The following SLC1A3 variants were observed in gnomAD, a reference collection of about 807,000 sequenced individuals.
The protein encoded by SLC1A3 is solute carrier family 1 member 3.
In SLC1A3, 21 loss-of-function variants were observed where a neutral mutation model predicts 48.1. That is an observed-to-expected ratio of 0.44 (90% CI 0.31 to 0.63). The LOEUF (loss-of-function observed/expected upper bound fraction) is 0.63, where lower values mean the gene tolerates loss of function less well. SLC1A3 is among the 20% of genes least tolerant of loss of function. The pLI, the probability that SLC1A3 is intolerant of heterozygous loss-of-function variation, is 0.08. For synonymous variants in SLC1A3, 239 were observed against 251.4 expected (o/e 0.95, Z 0.47); for missense variants, 546 against 689.0 (o/e 0.79, Z 2.32).
Position 36,676,906 on chromosome 5 carries a change from T to C in SLC1A3, c.582T>C (p.Tyr194=), listed in dbSNP as rs753706439. The C allele has an allele frequency of 2.5e-6, 4 of 1,613,240 alleles. No homozygotes were observed. The highest frequency in any genetic ancestry group is 3.4e-6 in the Non-Finnish European group (4 of 1,179,430). Residue 194 remains tyrosine (Y), a synonymous_variant, in exon 6 of 10, where the codon TAT becomes TAC. Transcript: ENST00000265113. ...TTATTTTTAAGTTTAAAACCAACTATGAGAAGAGAAGCTTTAAAGTGCCCA... is the reference window on the plus strand; with the variant it reads ...TTATTTTTAAGTTTAAAACCAACTACGAGAAGAGAAGCTTTAAAGTGCCCA... ...EACFKQFKTN[Y]EKRSFKVPIQ...
At chr5:36,620,357 C>T (rs1739612863) in intron 2 of SLC1A3, among the ~76,000 whole-genome samples, 1 of 152,186 alleles carries the variant, frequency 6.6e-6, no homozygotes, top group African/African-American at 2.4e-5. Flanking sequence ...GCTGTCATTC[C>T]TCATTTGTGA....
chr5:36,667,190 G>T (rs984168323), intron 3 of SLC1A3, among the ~76,000 whole-genome samples: 2 of 152,146 alleles, frequency 1.3e-5, no homozygotes, highest in African/African-American at 4.8e-5. Context: ...CATTAAACAT[G>T]CTCTGGGCTG....
intron 2 of SLC1A3, among the ~76,000 whole-genome samples, chr5:36,618,001 A>G (rs1739516334): frequency 1.3e-5 from 2 of 152,234 alleles, no homozygotes; most frequent in African/African-American, 4.8e-5. Flanking sequence ...GGATTTAAAA[A>G]AGAGTTAGCC....
intron 3 of SLC1A3, chr5:36,636,497 T>TTC (rs1561255286): frequency 2.3e-5 from 2 of 87,206 alleles, no homozygotes; most frequent in Admixed American, 1.1e-4. Flanking sequence ...CTTTCTTTCT[T>TTC]TCTTTCTTTT....
intron 2 of SLC1A3, among the ~76,000 whole-genome samples, chr5:36,620,728 A>C (rs1217309736): frequency 6.6e-6 from 1 of 152,206 alleles, no homozygotes. Context: ...AAAACCAAAA[A>C]AAGTTCTAAC....
intron 8 of SLC1A3, among the ~76,000 whole-genome samples, chr5:36,681,598 C>T (rs949529282): frequency 2.0e-5 from 3 of 152,188 alleles, no homozygotes; most frequent in Admixed American, 6.5e-5. Flanking sequence ...TACCTTCCCC[C>T]CATCTCTTAG....
intron 3 of SLC1A3, chr5:36,668,192 C>T (rs922928659): frequency 2.6e-5 from 4 of 152,256 alleles, no homozygotes; most frequent in Middle Eastern, 3.2e-3. Context: ...GACACTCTGA[C>T]ATCTCTGTTT....
At chr5:36,641,390 G>A (rs1411682420) in intron 3 of SLC1A3, among the ~76,000 whole-genome samples, 1 of 152,044 alleles carries the variant, frequency 6.6e-6, no homozygotes, top group Non-Finnish European at 1.5e-5. Flanking sequence ...GTTATTTCTA[G>A]TTGAGCTGTA....
At chr5:36,598,831 T>G (rs775540396) in intron 1 of SLC1A3, among the ~76,000 whole-genome samples, 16 of 152,252 alleles carry the variant, frequency 1.1e-4, no homozygotes, top group East Asian at 3.9e-4. Context: ...TTTTGCCTTG[T>G]TGCCCTGGCT....
At chr5:36,680,771 G>A (rs1212757172) in intron 8 of SLC1A3, among the ~76,000 whole-genome samples, 182 bp downstream of exon 8, 2 of 152,116 alleles carry the variant, frequency 1.3e-5, no homozygotes. Flanking sequence ...ACAAAAATTA[G>A]CCAGGCCTGG....
rs545440959 is a variant in SLC1A3 at position 36,635,173 on chromosome 5, G to GAAA, written c.319+5598_319+5600dup. ...TCAACACCTACCCGTACGTTGTATT[G>GAAA]AAAAAAAAAAAAAACAGTATCTAAC... On this transcript the variant is annotated intron_variant, in intron 3 of 9. Transcript: ENST00000265113. Among the ~76,000 whole-genome samples the GAAA allele has an allele frequency of 1.1e-3, 145 of 132,386 alleles. 1 individual carries two copies. Among genetic ancestry groups the GAAA allele is most frequent in the African/African-American group, 3.8e-3 (140 of 36,396 alleles). 86.9% of individuals were successfully genotyped at this position (132,386 alleles called of 152,430 possible). A position where few individuals can be genotyped will look rare whatever the true frequency, so the allele number is the denominator to read the frequency against.
At chr5:36,682,215 C>T (rs967005606) in intron 8 of SLC1A3, among the ~76,000 whole-genome samples, 33 of 152,148 alleles carry the variant, frequency 2.2e-4, no homozygotes, top group Admixed American at 1.7e-3. Context: ...ACATTTATGG[C>T]CTACATTTGG....
rs1032616018 is a variant in SLC1A3 at position 36,687,240 on chromosome 5, G to C, written c.*971G>C. 1.4e-5 allele frequency: 2 copies of C among 141,542 alleles called. No individual in the cohort carries two copies. Among genetic ancestry groups the C allele is most frequent in the Admixed American group, 1.3e-4 (2 of 14,862 alleles). 8.8% of individuals were successfully genotyped at this position (141,542 alleles called of 1,614,324 possible). ...TGTCTCCTGCCACTCCTCAACTGAT[G>C]ATAGACTTCGAAAACAGATGAGAAG... On this transcript the variant is annotated 3_prime_UTR_variant, in exon 10 of 10. Transcript: ENST00000265113.
chr5:36,672,868 C>T (rs1338524403), intron 4 of SLC1A3, among the ~76,000 whole-genome samples: 3 of 152,218 alleles, frequency 2.0e-5, no homozygotes, highest in African/African-American at 7.2e-5. Flanking sequence ...TTCACCATTT[C>T]TGCATGAACT....
chr5:36,617,185 C>T (rs907521565), intron 2 of SLC1A3, among the ~76,000 whole-genome samples: 2 of 152,040 alleles, frequency 1.3e-5, no homozygotes, highest in Admixed American at 6.6e-5. Context: ...AAAAAGAAAG[C>T]GGTTTGGTCA....
At chr5:36,642,817 T>C (rs578240229) in intron 3 of SLC1A3, among the ~76,000 whole-genome samples, 1 of 152,354 alleles carries the variant, frequency 6.6e-6, no homozygotes, top group Admixed American at 6.5e-5. Context: ...ATTCAATATA[T>C]GGTCCTTTGT....
In SLC1A3 at chr5:36,685,421, C is replaced by T. The variant is rs186565944; in HGVS notation, c.1425-644C>T. On this transcript the variant is annotated intron_variant, in intron 9 of 9. Transcript: ENST00000265113. ...CCTCCTGAGTAGCTGGGATTAGAGG[C>T]GCCCGCCACCACGCCTGGCTAATTT... Among the ~76,000 whole-genome samples the T allele has an allele frequency of 2.4e-3, 359 of 152,174 alleles. 2 individuals are homozygous for T. Among genetic ancestry groups the T allele is most frequent in the African/African-American group, 8.1e-3 (337 of 41,516 alleles).
intron 3 of SLC1A3, among the ~76,000 whole-genome samples, chr5:36,667,113 T>C (rs1387573381): frequency 6.6e-6 from 1 of 152,188 alleles, no homozygotes; most frequent in Admixed American, 6.5e-5. Context: ...ATGGGTAGAC[T>C]TGTAGAAAAG....
At chr5:36,638,502 T>C (rs970062880) in intron 3 of SLC1A3, among the ~76,000 whole-genome samples, 2 of 152,184 alleles carry the variant, frequency 1.3e-5, no homozygotes, top group African/African-American at 2.4e-5. Flanking sequence ...GTTAGCCCTA[T>C]TGATCCCTCC....
Sources: gnomAD v4.1 joint callset for allele counts (sites outside exome capture counted in the v4.1 genomes callset) on GRCh38, gnomAD v4.1.1 for gene constraint, MANE v1.5 for transcripts, NCBI Gene and HGNC (gene_info 2026-07-23, HGNC 2026-07-21) for gene names.